Variants in MACROD2 observed in about 807,000 individuals in gnomAD.
The protein encoded by MACROD2 is ADP-ribose glycohydrolase MACROD2.
In MACROD2, 36 loss-of-function variants were observed where a neutral mutation model predicts 70.4. The observed-to-expected ratio is 0.51, with a 90% CI of 0.39 to 0.68. The LOEUF (loss-of-function observed/expected upper bound fraction) is 0.68. MACROD2 is among the 30% of genes least tolerant of loss of function. MACROD2 has a pLI of 0.00. For missense variants in MACROD2, 496 were observed against 538.4 expected (o/e 0.92, Z 0.78); for synonymous variants, 172 against 178.8 (o/e 0.96, Z 0.30).
chr20:15,209,318 C>G (rs1487784812), intron 5 of MACROD2, among the ~76,000 whole-genome samples: 5 of 151,944 alleles, frequency 3.3e-5, no homozygotes, highest in African/African-American at 1.2e-4. Context: ...TGTATACTGT[C>G]CAGGGTTTTT....
chr20:14,936,723 A>G (rs1359829813), intron 5 of MACROD2, among the ~76,000 whole-genome samples: 1 of 152,202 alleles, frequency 6.6e-6, no homozygotes, highest in Non-Finnish European at 1.5e-5. Flanking sequence ...GCTCCATGGT[A>G]AATTCACCTG....
At chr20:15,115,164 T>C (rs750562373) in intron 5 of MACROD2, among the ~76,000 whole-genome samples, 2 of 152,202 alleles carry the variant, frequency 1.3e-5, no homozygotes, top group African/African-American at 2.4e-5. Flanking sequence ...TATTGATACA[T>C]AGAGCCCTGT....
At chr20:15,527,010 G>T (rs1233628317) in intron 8 of MACROD2, among the ~76,000 whole-genome samples, 13 of 152,210 alleles carry the variant, frequency 8.5e-5, no homozygotes, top group Non-Finnish European at 1.5e-5. Context: ...TTTGGTAACA[G>T]TTGTCGTGGG....
At chr20:15,799,038 T>C (rs1023683407) in intron 8 of MACROD2, among the ~76,000 whole-genome samples, 10 of 152,224 alleles carry the variant, frequency 6.6e-5, no homozygotes, top group African/African-American at 2.4e-4. Flanking sequence ...TTCTTTTGTG[T>C]GTAAGAGTAA....
chr20:14,249,116 A>G (rs1333807671), intron 3 of MACROD2, among the ~76,000 whole-genome samples: 1 of 131,960 alleles, frequency 7.6e-6, no homozygotes, highest in African/African-American at 2.9e-5. Context: ...ATTCTTTTCT[A>G]TGATTTCAAA....
At chr20:15,376,218 T>C (rs2045560186) in intron 6 of MACROD2, among the ~76,000 whole-genome samples, 1 of 152,184 alleles carries the variant, frequency 6.6e-6, no homozygotes, top group African/African-American at 2.4e-5. Flanking sequence ...GAATAGAAGA[T>C]AGAGTTACGG....
chr20:14,141,488 G>C (rs1191761513), intron 3 of MACROD2, among the ~76,000 whole-genome samples: 2 of 152,168 alleles, frequency 1.3e-5, no homozygotes, highest in Non-Finnish European at 2.9e-5. Flanking sequence ...GCTCATGCCT[G>C]TAATCCCAGC....
intron 15 of MACROD2, among the ~76,000 whole-genome samples, chr20:16,011,632 G>A (rs922471619): frequency 9.1e-6 from 1 of 109,356 alleles, no homozygotes; most frequent in African/African-American, 3.7e-5. Flanking sequence ...GCGCAAGCCC[G>A]AGTAAAGGAG....
At chr20:15,719,028 T>A (rs1037989536) in intron 8 of MACROD2, among the ~76,000 whole-genome samples, 1 of 152,128 alleles carries the variant, frequency 6.6e-6, no homozygotes, top group Admixed American at 6.5e-5. Flanking sequence ...CTGGCCTGAT[T>A]TTTTTTCAAT....
chr20:14,838,260 A>T (rs1384994721), intron 5 of MACROD2, among the ~76,000 whole-genome samples: 1 of 152,136 alleles, frequency 6.6e-6, no homozygotes, highest in Non-Finnish European at 1.5e-5. Context: ...ATATGCTAGA[A>T]ACTTGTAATT....
chr20:15,444,847 G>T (rs1447114658), intron 7 of MACROD2, among the ~76,000 whole-genome samples: 1 of 152,046 alleles, frequency 6.6e-6, no homozygotes, highest in African/African-American at 2.4e-5. Flanking sequence ...TAATAATGAG[G>T]TTCATATAGG....
At chr20:15,177,080 T>G (rs762841453) in intron 5 of MACROD2, among the ~76,000 whole-genome samples, 2 of 152,172 alleles carry the variant, frequency 1.3e-5, no homozygotes, top group Non-Finnish European at 2.9e-5. Flanking sequence ...GACCAGACCC[T>G]GCACTCACTT....
chr20:14,618,946 A>G (rs766055983), intron 4 of MACROD2, among the ~76,000 whole-genome samples: 1 of 152,106 alleles, frequency 6.6e-6, no homozygotes, highest in Non-Finnish European at 1.5e-5. Context: ...TCTTACTTGT[A>G]AATTTAATTA....
intron 5 of MACROD2, among the ~76,000 whole-genome samples, chr20:14,979,796 A>C (rs927072639): frequency 2.6e-5 from 4 of 152,184 alleles, no homozygotes; most frequent in Non-Finnish European, 5.9e-5. Flanking sequence ...TGTTCTGATA[A>C]AATAGAATAA....
intron 8 of MACROD2, among the ~76,000 whole-genome samples, chr20:15,600,838 T>A (rs1460489216): frequency 6.6e-6 from 1 of 152,144 alleles, no homozygotes; most frequent in Non-Finnish European, 1.5e-5. Context: ...AGCTCAAAAA[T>A]ATATATATTA....
chr20:15,416,001 TG>T (rs1358911286), intron 6 of MACROD2, among the ~76,000 whole-genome samples: 1 of 152,216 alleles, frequency 6.6e-6, no homozygotes, highest in Admixed American at 6.5e-5. Flanking sequence ...ATTTAGTGAA[TG>T]GCCAGCTGCT....
At position 15,858,793 on chromosome 20, in the gene MACROD2, A is replaced by G. The variant is rs544092581; in HGVS notation, c.646-3952A>G. The stretch of plus-strand genomic sequence containing the variant: ...GTACAAGAGCGAGGCTCCCAAGAAG[A>G]CCAGGCAGAAACTGTATCACCTCAT... On this transcript the variant is annotated intron_variant, in intron 8 of 17. Transcript: ENST00000684519. 1.1e-4 allele frequency among the ~76,000 whole-genome samples: 17 copies of G among 152,274 alleles called. No individual in the cohort carries two copies. The East Asian group carries it at 3.3e-3, about 29-fold the overall frequency.
intron 3 of MACROD2, among the ~76,000 whole-genome samples, chr20:14,363,180 G>T (rs1047551449): frequency 6.6e-6 from 1 of 152,092 alleles, no homozygotes. Flanking sequence ...GCAAATTACT[G>T]TTTCTGAGCC....
chr20:15,323,383 A>G (rs11907218), intron 6 of MACROD2, among the ~76,000 whole-genome samples: 8,250 of 152,272 alleles, frequency 0.054, 762 homozygotes, highest in African/African-American at 0.19. Context: ...TTTATCTGTC[A>G]ATGTAAAAAT....
Sources: allele counts gnomAD v4.1 joint callset (sites outside exome capture counted in the v4.1 genomes callset), GRCh38; gene constraint gnomAD v4.1.1; transcripts MANE v1.5; gene names NCBI Gene and HGNC (gene_info 2026-07-23, HGNC 2026-07-21).